FAM110C: variants seen among roughly 807,000 people sequenced by gnomAD.
FAM110C encodes family with sequence similarity 110 member C.
A neutral mutation model predicts 15.7 loss-of-function variants in FAM110C; 19 were observed. The observed-to-expected ratio is 1.21, with a 90% confidence interval of 0.85 to 1.78. The LOEUF (loss-of-function observed/expected upper bound fraction) is 1.78. FAM110C is among the 40% of genes most tolerant of loss of function. FAM110C has a pLI of 0.00. For missense variants in FAM110C, 547 were observed against 495.7 expected (o/e 1.10, Z -0.98); for synonymous variants, 275 against 233.9 (o/e 1.18, Z -1.61).
Position 45,769 on chromosome 2 carries a change from G to T in FAM110C, c.617C>A (p.Ser206Tyr). ...CTCGGCCAAGGCAGCGGAATAGCGG[G>T]AGCTGAGGTCCGACTGTGAGCGCTG... Reference protein sequence around the residue: ...GLQRSQSDLSSRYSAALAESD... With the variant: ...GLQRSQSDLSYRYSAALAESD... The change falls in exon 1 of 2, where the codon TCC becomes TAC. Residue 206 changes from serine (S) to tyrosine (Y), a missense_variant. Physicochemically the swap from Ser to Tyr is moderately radical, Grantham distance 144. Transcript: ENST00000327669. 1 of 1,577,412 alleles carries T rather than the reference G, an allele frequency of 6.3e-7. No individual in the cohort carries two copies. Among genetic ancestry groups the T allele is most frequent in the Non-Finnish European group, 8.6e-7 (1 of 1,164,178 alleles).
rs1664086243 is a variant in FAM110C at position 40,094 on chromosome 2, C to G, written c.*1514G>C. 1 of 152,086 alleles carries G rather than the reference C, an allele frequency of 6.6e-6. No homozygotes were observed. Among genetic ancestry groups the G allele is most frequent in the Non-Finnish European group, 1.5e-5 (1 of 68,020 alleles). The allele number at this position is 152,086 out of a possible 1,614,324, so 9.4% of individuals were successfully genotyped here. ...GTACTGAATTGAGTGGCAAACACTC[C>G]ACTTGCAGTCAATGAAAATCCAATT... On this transcript the variant is annotated 3_prime_UTR_variant, in exon 2 of 2. Transcript: ENST00000327669.
Position 45,849 on chromosome 2 carries a change from A to C in FAM110C, c.537T>G (p.Ser179Arg). 2.0e-6 allele frequency: 3 copies of C among 1,523,116 alleles called. No homozygotes were observed. The highest frequency in any genetic ancestry group is 2.6e-6 in the Non-Finnish European group (3 of 1,141,840). 94.4% of individuals were successfully genotyped at this position (1,523,116 alleles called of 1,614,324 possible). A position where few individuals can be genotyped will look rare whatever the true frequency, so the allele number is the denominator to read the frequency against. Residue 179 changes from serine to arginine, a missense_variant, in exon 1 of 2, where the codon AGT becomes AGG. Transcript: ENST00000327669. ...CTGGCCCAGGGGGCGCGGCCGGGAC[A>C]CTGGAGGGCGCCGCGGACCGCGCGG... ...APAARSAAPS[S>R]VPAAPPGPEP...
Position 45,740 on chromosome 2 carries a change from C to T in FAM110C, c.646G>A (p.Asp216Asn), listed in dbSNP as rs1174618147. ...AGGCCGCAGTACTGGAAGAAGGTGT[C>T]AGACTCGGCCAAGGCAGCGGAATAG... ...SRYSAALAES[D>N]TFFQYCGLDP... The change falls in exon 1 of 2, where the codon GAC (aspartate) becomes AAC (asparagine). Residue 216 changes from aspartate (D) to asparagine (N), a missense_variant. Physicochemically the swap from Asp to Asn is conservative, Grantham distance 23 (BLOSUM62 1). Transcript: ENST00000327669. The T allele has an allele frequency of 1.3e-6, 2 of 1,594,608 alleles. No homozygotes were observed. Among genetic ancestry groups the T allele is most frequent in the African/African-American group, 2.7e-5 (2 of 74,664 alleles).
rs769900889 is a variant in FAM110C, at chr2:46,171, C to A, written c.215G>T (p.Gly72Val). The A allele has an allele frequency of 8.2e-5, 115 of 1,399,608 alleles. 1 individual carries two copies. In the South Asian group the frequency reaches 1.7e-3, roughly 20 times the overall value. 86.7% of individuals were successfully genotyped at this position (1,399,608 alleles called of 1,614,324 possible). ...GSGPGAIKCP[G>V]NDPGPPARAP... ...GCGGGCCGGGGGCCCAGGGTCGTTC[C>A]CCGGGCACTTGATCGCCCCCGGGCC... Residue 72 changes from glycine to valine, a missense_variant, in exon 1 of 2, where the codon GGG becomes GTG. Transcript: ENST00000327669.
chr2:45,104 T>C, intron 1 of FAM110C: 2 of 985,448 alleles, frequency 2.0e-6, no homozygotes, highest in Non-Finnish European at 2.4e-6. Context: ...GGTGTAAAAC[T>C]GCTTTCTGGC....
intron 1 of FAM110C, chr2:43,711 G>T: frequency 1.0e-6 from 1 of 985,346 alleles, no homozygotes; most frequent in Non-Finnish European, 1.2e-6. Flanking sequence ...TCATTTGTAT[G>T]CCACATTATT....
chr2:42,554 A>G (rs867482377), intron 1 of FAM110C, among the ~76,000 whole-genome samples: 1 of 152,140 alleles, frequency 6.6e-6, no homozygotes, highest in African/African-American at 2.4e-5. Flanking sequence ...AGAATACCAA[A>G]ATTACCCATG....
rs1664119244 is a variant in FAM110C, at chr2:41,338, T to G, written c.*270A>C. 2.5e-6 allele frequency: 1 copy of G among 399,896 alleles called. No homozygotes were observed. The highest frequency in any genetic ancestry group is 3.8e-5 in the East Asian group (1 of 26,628). The allele number at this position is 399,896 out of a possible 1,614,324, so 24.8% of individuals were successfully genotyped here. A position where few individuals can be genotyped will look rare whatever the true frequency, so the allele number is the denominator to read the frequency against. ...TCAGTCAAAAAGATTTCCAAACAGC[T>G]TTACGGTTTCCAGCTGCCCTCTGGA... On this transcript the variant is annotated 3_prime_UTR_variant, in exon 2 of 2. Transcript: ENST00000327669.
chr2:42,292 A>C, intron 1 of FAM110C: 2 of 985,448 alleles, frequency 2.0e-6, no homozygotes, highest in Non-Finnish European at 2.4e-6. Context: ...TGTCAAGGAT[A>C]AATGTGAAGA....
intron 1 of FAM110C, chr2:43,252 C>A: frequency 1.0e-6 from 1 of 985,382 alleles, no homozygotes. Flanking sequence ...TGGTGACTGC[C>A]AATTCCATAT....
chr2:43,312 T>C, intron 1 of FAM110C: 11 of 985,348 alleles, frequency 1.1e-5, no homozygotes, highest in East Asian at 2.3e-4. Context: ...TGAGAAATAA[T>C]GTGAAACTTC....
chr2:42,021 T>G (rs1572061013), intron 1 of FAM110C: 3 of 985,370 alleles, frequency 3.0e-6, no homozygotes, highest in Non-Finnish European at 3.6e-6. Context: ...GGCAAACAGA[T>G]TCCTCCCTTT....
chr2:45,662 C>T lies in FAM110C; in HGVS notation c.724G>A (p.Asp242Asn). ...LGRENFTAGS[D>N]CVTLKVRSVS... ...CTGCGCACCTTGAGGGTCACACAGT[C>T]CGACCCCGCGGTGAAGTTCTCCCTC... The change falls in exon 1 of 2, where the codon GAC becomes AAC. Residue 242 changes from aspartate (D) to asparagine (N), a missense_variant. Transcript: ENST00000327669. 1.9e-6 allele frequency: 3 copies of T among 1,610,100 alleles called. No homozygotes were observed. Among genetic ancestry groups the T allele is most frequent in the Non-Finnish European group, 1.7e-6 (2 of 1,178,558 alleles).
chr2:45,881 C>CTGGGGT lies in FAM110C; in HGVS notation c.499_504dup (p.Thr167_Pro168dup). ...GGCGCCGCGGACCGCGCGGCTGGGG[C>CTGGGGT]TGGGGTCTCGGGGATTGCGGGGTCC... On this transcript the variant is annotated inframe_insertion, in exon 1 of 2. Transcript: ENST00000327669. 4.8e-6 allele frequency: 7 copies of CTGGGGT among 1,460,512 alleles called. No homozygotes were observed. The highest frequency in any genetic ancestry group is 6.3e-6 in the Non-Finnish European group (7 of 1,118,764). 90.5% of individuals were successfully genotyped at this position (1,460,512 alleles called of 1,614,324 possible).
At position 39,337 on chromosome 2, in the gene FAM110C, G is replaced by C. The variant is rs1252259517; in HGVS notation, c.*2271C>G. 2 of 152,152 alleles carry C rather than the reference G, an allele frequency of 1.3e-5. No homozygotes were observed. The allele number at this position is 152,152 out of a possible 1,614,324, so 9.4% of individuals were successfully genotyped here. A position where few individuals can be genotyped will look rare whatever the true frequency, so the allele number is the denominator to read the frequency against. On this transcript the variant is annotated 3_prime_UTR_variant, in exon 2 of 2. Coordinates refer to ENST00000327669, the MANE Select transcript of FAM110C (RefSeq NM_001077710.3). ...TGCAGTGGTGCAATCATGGTTCACTGCAACCTTGAACCCCAAGGCACAAGT... is the reference window on the plus strand; with the variant it reads ...TGCAGTGGTGCAATCATGGTTCACTCCAACCTTGAACCCCAAGGCACAAGT...
intron 1 of FAM110C, chr2:42,166 A>C (rs1183685382): frequency 2.3e-5 from 23 of 985,430 alleles, no homozygotes; most frequent in Middle Eastern, 5.2e-4. Flanking sequence ...TCAAAGAAGA[A>C]AGGAAAAGAA....
At chr2:45,054 G>C (rs1199540832) in intron 1 of FAM110C, 1 of 985,264 alleles carries the variant, frequency 1.0e-6, no homozygotes, top group Non-Finnish European at 1.2e-6. Flanking sequence ...TCAGGAACTA[G>C]GGCTCTCAAG....
At chr2:43,589 T>A (rs1664186899) in intron 1 of FAM110C, 1 of 985,350 alleles carries the variant, frequency 1.0e-6, no homozygotes, top group Non-Finnish European at 1.2e-6. Context: ...AACTAAATTC[T>A]CATTCAGGTC....
Position 45,551 on chromosome 2 carries a change from G to A in FAM110C, c.835C>T (p.Gln279Ter), listed in dbSNP as rs201168179. ...ATGACCGAAGTGGTGCTGGGCACCTGCTCTATCAGCTCCTCCTCCTGCAGC... is the reference window on the plus strand; with the variant it reads ...ATGACCGAAGTGGTGCTGGGCACCTACTCTATCAGCTCCTCCTCCTGCAGC... ...EGLQEEELIE[Q>*]VPSTTSVIER... The change falls in exon 1 of 2, where the codon CAG (glutamine) becomes TAG (stop). Residue 279 changes from glutamine (Q) to a stop codon, truncating the protein, a stop_gained. Transcript: ENST00000327669. LOFTEE classifies it high-confidence loss of function. 5 of 1,614,044 alleles carry A rather than the reference G, an allele frequency of 3.1e-6. No homozygotes were observed. The highest frequency in any genetic ancestry group is 1.7e-5 in the Admixed American group (1 of 60,034).
Sources: gnomAD v4.1 joint callset for allele counts (sites outside exome capture counted in the v4.1 genomes callset) on GRCh38, gnomAD v4.1.1 for gene constraint, MANE v1.5 for transcripts, NCBI Gene and HGNC (gene_info 2026-07-23, HGNC 2026-07-21) for gene names.